The following SLC6A5 variants were observed in gnomAD, a reference collection of about 807,000 sequenced individuals.
The protein encoded by SLC6A5 is sodium- and chloride-dependent glycine transporter 2.
A neutral mutation model predicts 90.5 loss-of-function variants in SLC6A5; 58 were observed. The observed-to-expected ratio is 0.64, with a 90% CI of 0.52 to 0.80. The LOEUF is 0.80. Among genes scored for constraint, SLC6A5 ranks in the 30% least tolerant of loss-of-function variants. The pLI is 0.00. For missense variants in SLC6A5, 1,015 were observed against 1,017.6 expected, an observed-to-expected ratio of 1.00 and a Z score of 0.03; for synonymous variants, 427 against 401.4, an observed-to-expected ratio of 1.06 and a Z score of -0.76.
At position 20,617,813 on chromosome 11, in the gene SLC6A5, G is replaced by T; in HGVS notation, c.1189G>T (p.Ala397Ser). ...TCCTGGCGAGATCAGGTGGCCACTA[G>T]CTCTCTGCCTCTTCCTGGCTTGGGT... ...EYPGEIRWPL[A>S]LCLFLAWVIV... is the part of the protein sequence containing the mutation. Residue 397 changes from alanine (A) to serine (S), a missense_variant, in exon 7 of 16, where the codon GCT (alanine) becomes TCT (serine). Ala to Ser is a moderately conservative substitution (Grantham distance 99). Coordinates refer to ENST00000525748, the MANE Select transcript of SLC6A5 (RefSeq NM_004211.5). 6.2e-7 allele frequency: 1 copy of T among 1,614,158 alleles called. No homozygotes were observed. Among genetic ancestry groups the T allele is most frequent in the Non-Finnish European group, 8.5e-7 (1 of 1,180,024 alleles).
chr11:20,621,589 G>T (rs1852890381), intron 7 of SLC6A5, among the ~76,000 whole-genome samples: 1 of 152,180 alleles, frequency 6.6e-6, no homozygotes, highest in African/African-American at 2.4e-5. Flanking sequence ...CAGAAATAAT[G>T]AATCACAATT....
intron 6 of SLC6A5, among the ~76,000 whole-genome samples, chr11:20,616,984 C>T (rs374483930): frequency 1.3e-5 from 2 of 152,214 alleles, no homozygotes; most frequent in African/African-American, 2.4e-5. Flanking sequence ...TAGATGGTTG[C>T]GGAGTAGAAA....
intron 13 of SLC6A5, among the ~76,000 whole-genome samples, chr11:20,646,239 A>T (rs1853412461): frequency 6.6e-6 from 1 of 152,186 alleles, no homozygotes; most frequent in South Asian, 2.1e-4. Flanking sequence ...GAGGTTGATG[A>T]GTGACCAAGA....
intron 15 of SLC6A5, 100 bp from the exon 16 acceptor site, chr11:20,654,613 G>C: frequency 8.5e-7 from 1 of 1,181,196 alleles, no homozygotes; most frequent in South Asian, 1.2e-5. Context: ...CAAGGACTCT[G>C]GTCAAAGTGG....
intron 5 of SLC6A5, among the ~76,000 whole-genome samples, chr11:20,609,594 C>T (rs1311616430): frequency 6.6e-6 from 1 of 152,202 alleles, no homozygotes; most frequent in Non-Finnish European, 1.5e-5. Context: ...AACTCTTTCC[C>T]CAGCATTTCC....
Position 20,654,698 on chromosome 11 carries a change from T to C in SLC6A5, c.2239-15T>C, listed in dbSNP as rs2133827509. On this transcript the variant is annotated splice_polypyrimidine_tract_variant and intron_variant, in intron 15 of 15. Coordinates refer to ENST00000525748, the MANE Select transcript of SLC6A5 (RefSeq NM_004211.5). ...ACTACTTCTGTGACCATGTCTGTCT[T>C]TGGCTTCTTTGCAGAGGCTGAAGTT... 3 of 1,614,130 alleles carry C rather than the reference T, an allele frequency of 1.9e-6. No individual in the cohort carries two copies. The highest frequency in any genetic ancestry group is 2.7e-5 in the African/African-American group (2 of 75,050).
In SLC6A5 at chr11:20,646,950, G is replaced by A. The variant is rs759125807; in HGVS notation, c.2070+16G>A. ...CATTTTAACCGTAAGGATTTTGCAT[G>A]TTTTCTTGTGCAGACAGCACCTTGC... On this transcript the variant is annotated intron_variant, in intron 14 of 15. Transcript: ENST00000525748. The A allele has an allele frequency of 7.1e-6, 11 of 1,539,078 alleles. No individual in the cohort carries two copies. In the South Asian group the frequency reaches 1.2e-4, roughly 17 times the overall value.
intron 14 of SLC6A5, among the ~76,000 whole-genome samples, chr11:20,649,861 A>C (rs1038784900): frequency 1.3e-5 from 2 of 152,222 alleles, no homozygotes; most frequent in Non-Finnish European, 2.9e-5. Context: ...TAAAGTTTAT[A>C]ACTCTAGGGA....
At chr11:20,615,299 T>C (rs543770880) in intron 6 of SLC6A5, among the ~76,000 whole-genome samples, 46 of 152,350 alleles carry the variant, frequency 3.0e-4, no homozygotes, top group African/African-American at 1.0e-3. Flanking sequence ...GGTTCAGGGA[T>C]ACTTGAAGAT....
chr11:20,600,399 G>GAAGGAGAAGAA (rs1852444170), intron 1 of SLC6A5, among the ~76,000 whole-genome samples: 1 of 139,054 alleles, frequency 7.2e-6, no homozygotes, highest in African/African-American at 2.7e-5. Context: ...AGAAGAAGAA[G>GAAGGAGAAGAA]AAGAAGAAGA....
At chr11:20,654,215 AT>A (rs200319085) in intron 15 of SLC6A5, among the ~76,000 whole-genome samples, 184 of 150,364 alleles carry the variant, frequency 1.2e-3, no homozygotes, top group East Asian at 0.012. Context: ...TTGGGGTTGG[AT>A]TTTTTTTTTC....
intron 5 of SLC6A5, 43 bp downstream of exon 5, chr11:20,607,695 T>A: frequency 1.3e-6 from 2 of 1,500,578 alleles, no homozygotes; most frequent in Non-Finnish European, 1.9e-6. Flanking sequence ...TATTCTAAAC[T>A]ATCCATTTAT....
At chr11:20,642,612 C>T (rs2084010823) in intron 13 of SLC6A5, among the ~76,000 whole-genome samples, 1 of 152,154 alleles carries the variant, frequency 6.6e-6, no homozygotes, top group African/African-American at 2.4e-5. Context: ...ATGCTCAAGG[C>T]TCCAAGAACA....
intron 13 of SLC6A5, among the ~76,000 whole-genome samples, chr11:20,639,017 G>A (rs559258416): frequency 2.5e-4 from 38 of 152,252 alleles, no homozygotes; most frequent in African/African-American, 8.7e-4. Context: ...TTAGGAAATT[G>A]TATTAGCATC....
Position 20,599,612 on chromosome 11 carries a change from C to A in SLC6A5, c.-61C>A. 1 of 1,610,096 alleles carries A rather than the reference C, an allele frequency of 6.2e-7. No individual in the cohort carries two copies. The highest frequency in any genetic ancestry group is 1.1e-5 in the South Asian group (1 of 91,010). The stretch of plus-strand genomic sequence containing the variant: ...AAGCGCCTCTCCTGCCTGAGCCAAA[C>A]CCAGTCTTGTCAATAGCGGGTTTCA... On this transcript the variant is annotated 5_prime_UTR_variant, in exon 1 of 16. Coordinates refer to ENST00000525748, the MANE Select transcript of SLC6A5 (RefSeq NM_004211.5).
At chr11:20,644,785 A>T (rs1289693035) in intron 13 of SLC6A5, among the ~76,000 whole-genome samples, 1 of 151,856 alleles carries the variant, frequency 6.6e-6, no homozygotes, top group Non-Finnish European at 1.5e-5. Context: ...GATATAGAAC[A>T]TCAGCAGGGC....
Position 20,655,339 on chromosome 11 carries a change from T to C in SLC6A5, c.*471T>C, listed in dbSNP as rs1048654436. On this transcript the variant is annotated 3_prime_UTR_variant, in exon 16 of 16. Coordinates refer to ENST00000525748, the MANE Select transcript of SLC6A5 (RefSeq NM_004211.5). The stretch of plus-strand genomic sequence containing the variant: ...AGTTCAAGACAGGTTTTTTTTTTTT[T>C]CAGAGAGTTAGCAGTGGTCAGAAAA... The C allele has an allele frequency of 3.3e-5, 7 of 213,122 alleles. No homozygotes were observed. Among genetic ancestry groups the C allele is most frequent in the African/African-American group, 1.4e-4 (6 of 43,830 alleles). The allele number at this position is 213,122 out of a possible 1,614,324, so 13.2% of individuals were successfully genotyped here.
At chr11:20,615,057 T>C (rs1054456050) in intron 6 of SLC6A5, among the ~76,000 whole-genome samples, 6 of 152,220 alleles carry the variant, frequency 3.9e-5, no homozygotes, top group African/African-American at 1.4e-4. Context: ...ATGATGCTGA[T>C]GAAAAGCCCA....
At chr11:20,625,116 C>T (rs976312878) in intron 7 of SLC6A5, among the ~76,000 whole-genome samples, 10 of 151,942 alleles carry the variant, frequency 6.6e-5, no homozygotes, top group Non-Finnish European at 5.9e-5. Context: ...TGAGCTCTCA[C>T]ACTGCTCCTT....
Sources: allele counts gnomAD v4.1 joint callset (sites outside exome capture counted in the v4.1 genomes callset), GRCh38; gene constraint gnomAD v4.1.1; transcripts MANE v1.5; gene names NCBI Gene and HGNC (gene_info 2026-07-23, HGNC 2026-07-21).